MYO5B: variants seen among roughly 807,000 people sequenced by gnomAD.
MYO5B encodes the protein myosin VB, also known as unconventional myosin-Vb.
Under a neutral mutation model 229.3 loss-of-function variants are expected in MYO5B, and 143 were observed. That is an observed-to-expected ratio of 0.62 (90% CI 0.54 to 0.72). The LOEUF (loss-of-function observed/expected upper bound fraction) is 0.72. MYO5B is among the 30% of genes least tolerant of loss of function. The pLI is 0.00. For missense variants in MYO5B, 2,321 were observed against 2,331.0 expected (o/e 1.00, Z 0.09); for synonymous variants, 918 against 885.2 (o/e 1.04, Z -0.66).
chr18:50,186,688 T>A (rs1251646435), intron 1 of MYO5B, among the ~76,000 whole-genome samples: 1 of 152,156 alleles, frequency 6.6e-6, no homozygotes, highest in Non-Finnish European at 1.5e-5. Flanking sequence ...TAATGAACAG[T>A]TGCCAACACT....
rs9958316 is a variant in MYO5B at position 49,954,617 on chromosome 18, C to T, written c.1546-182G>A. Among the ~76,000 whole-genome samples the T allele has an allele frequency of 0.3, 45,725 of 152,044 alleles. 7,298 individuals are homozygous for T. The highest frequency in any genetic ancestry group is 0.41 in the African/African-American group (16,972 of 41,440). The stretch of plus-strand genomic sequence containing the variant: ...ATACATGTTCAGGATCCGGCCACGG[C>T]GTGCCCTCATCCCATGTGGGCTGGC... On this transcript the variant is annotated intron_variant, in intron 12 of 39. Coordinates refer to ENST00000285039, the MANE Select transcript of MYO5B (RefSeq NM_001080467.3).
Position 50,001,331 on chromosome 18 carries a change from T to A in MYO5B, c.536A>T (p.Tyr179Phe), listed in dbSNP as rs1438763418. 6.2e-7 allele frequency: 1 copy of A among 1,614,132 alleles called. No individual in the cohort carries two copies. Among genetic ancestry groups the A allele is most frequent in the East Asian group, 2.2e-5 (1 of 44,864 alleles). Residue 179 changes from tyrosine to phenylalanine, a missense_variant, in exon 5 of 40, where the codon TAT (tyrosine) becomes TTT (phenylalanine). Coordinates refer to ENST00000285039, the MANE Select transcript of MYO5B (RefSeq NM_001080467.3). ...GGCCGAGCCACCAACGGTGGCGAAA[T>A]AGCGCATGGCATACTTGGCTGATAC... Reference protein sequence around the residue: ...KTVSAKYAMRYFATVGGSASE... With the variant: ...KTVSAKYAMRFFATVGGSASE...
At chr18:49,842,906 C>T (rs1385536200) in intron 34 of MYO5B, among the ~76,000 whole-genome samples, 1 of 152,208 alleles carries the variant, frequency 6.6e-6, no homozygotes, top group African/African-American at 2.4e-5. Context: ...GGCCCACACA[C>T]CCTTGGCTGC....
intron 1 of MYO5B, among the ~76,000 whole-genome samples, chr18:50,072,184 A>G (rs772466357): frequency 1.3e-5 from 2 of 152,230 alleles, no homozygotes; most frequent in Non-Finnish European, 2.9e-5. Flanking sequence ...TTGCCCAGGC[A>G]AAAAGTGATT....
chr18:50,183,321 A>AT (rs1568136338), intron 1 of MYO5B, among the ~76,000 whole-genome samples: 2,683 of 140,488 alleles, frequency 0.019, 184 homozygotes, highest in African/African-American at 0.069. Flanking sequence ...ATATATATAT[A>AT]TATATATATA....
chr18:50,033,697 C>T (rs915267369), intron 4 of MYO5B, among the ~76,000 whole-genome samples: 26 of 152,274 alleles, frequency 1.7e-4, no homozygotes, highest in African/African-American at 5.8e-4. Flanking sequence ...AGGTAAGCCC[C>T]TTCCTCACAG....
chr18:50,128,165 C>G (rs184342103), intron 1 of MYO5B, among the ~76,000 whole-genome samples: 2 of 152,272 alleles, frequency 1.3e-5, no homozygotes, highest in Non-Finnish European at 2.9e-5. Flanking sequence ...CTATAGTTAT[C>G]TTTCTCTAGA....
chr18:49,921,835 G>C (rs1004268993), intron 17 of MYO5B, among the ~76,000 whole-genome samples: 6 of 152,178 alleles, frequency 3.9e-5, no homozygotes, highest in African/African-American at 1.4e-4. Context: ...TGCAGTCCTG[G>C]GATGACGCAT....
At chr18:50,071,881 T>A (rs1360662536) in intron 1 of MYO5B, among the ~76,000 whole-genome samples, 1 of 152,218 alleles carries the variant, frequency 6.6e-6, no homozygotes, top group Non-Finnish European at 1.5e-5. Flanking sequence ...CTGAGAGGAA[T>A]TTCACTGAGT....
intron 4 of MYO5B, among the ~76,000 whole-genome samples, chr18:50,015,726 A>G (rs1297133733): frequency 1.3e-5 from 2 of 152,118 alleles, no homozygotes; most frequent in African/African-American, 2.4e-5. Flanking sequence ...CAAGGCCCCA[A>G]CCTTCTGTGC....
intron 1 of MYO5B, among the ~76,000 whole-genome samples, chr18:50,116,656 T>C (rs2031968495): frequency 6.6e-6 from 1 of 152,028 alleles, no homozygotes; most frequent in African/African-American, 2.4e-5. Context: ...TTGCTCTGGT[T>C]TGAACAGCTG....
At chr18:49,837,020 G>C (rs1381082795) in intron 37 of MYO5B, 135 bp from the exon 38 acceptor site, 2 of 860,714 alleles carry the variant, frequency 2.3e-6, no homozygotes, top group Non-Finnish European at 3.7e-6. Context: ...AGCATGGCAA[G>C]TGCCTTGCAC....
chr18:49,849,448 G>T, intron 32 of MYO5B, 119 bp downstream of exon 32: 1 of 829,410 alleles, frequency 1.2e-6, no homozygotes, highest in Non-Finnish European at 2.1e-6. Context: ...ACTGGGCAGA[G>T]CCACCAAGAA....
chr18:50,168,628 C>T (rs1316765022), intron 1 of MYO5B, among the ~76,000 whole-genome samples: 1 of 130,654 alleles, frequency 7.7e-6, no homozygotes, highest in African/African-American at 2.9e-5. Flanking sequence ...CACTAGACCC[C>T]CACCACTGTT....
At chr18:50,181,335 A>G (rs893270837) in intron 1 of MYO5B, among the ~76,000 whole-genome samples, 7 of 110,268 alleles carry the variant, frequency 6.3e-5, no homozygotes, top group Admixed American at 2.1e-4. Context: ...AAAGCTCTAC[A>G]TTTATTGATC....
chr18:50,075,063 TG>T (rs1338518792), intron 1 of MYO5B, among the ~76,000 whole-genome samples: 1 of 152,224 alleles, frequency 6.6e-6, no homozygotes, highest in African/African-American at 2.4e-5. Flanking sequence ...CCCAAAGTGC[TG>T]GGATTACAGG....
intron 1 of MYO5B, among the ~76,000 whole-genome samples, chr18:50,147,186 C>A (rs1360489626): frequency 6.6e-6 from 1 of 152,170 alleles, no homozygotes; most frequent in Non-Finnish European, 1.5e-5. Flanking sequence ...GCTTCTCAGC[C>A]CAACACGCCT....
At chr18:50,165,849 T>C (rs977396539) in intron 1 of MYO5B, among the ~76,000 whole-genome samples, 1 of 151,966 alleles carries the variant, frequency 6.6e-6, no homozygotes, top group Admixed American at 6.6e-5. Flanking sequence ...AAAGATAAGA[T>C]AACCTGACTG....
chr18:49,976,224 T>C (rs1452061834), intron 9 of MYO5B, among the ~76,000 whole-genome samples: 1 of 152,198 alleles, frequency 6.6e-6, no homozygotes, highest in Non-Finnish European at 1.5e-5. Context: ...GGCTGACTTG[T>C]AGGATTTAAA....
Sources: gnomAD v4.1 joint callset for allele counts (sites outside exome capture counted in the v4.1 genomes callset) on GRCh38, gnomAD v4.1.1 for gene constraint, MANE v1.5 for transcripts, NCBI Gene and HGNC (gene_info 2026-07-23, HGNC 2026-07-21) for gene names.